The following FEV variants were observed in gnomAD, a reference collection of about 807,000 sequenced individuals.
FEV encodes FEV transcription factor, ETS family member, also known as protein FEV.
Under a neutral mutation model 20.5 loss-of-function variants are expected in FEV, and 14 were observed. The ratio of observed to expected loss-of-function variants is 0.68; its 90% CI spans 0.45 to 1.07. FEV has a LOEUF of 1.07. Among genes scored for constraint, FEV ranks in the 50% least tolerant of loss-of-function variants. FEV has a pLI of 0.00. For synonymous variants in FEV, 188 were observed against 163.7 expected (o/e 1.15, Z -1.13); for missense variants, 301 against 345.3 (o/e 0.87, Z 1.02).
Position 218,981,820 on chromosome 2 carries a change from C to G in FEV, c.564G>C (p.Ala188=), listed in dbSNP as rs427890. 2 of 1,240,180 alleles carry G rather than the reference C, an allele frequency of 1.6e-6. No homozygotes were observed. The highest frequency in any genetic ancestry group is 2.0e-6 in the Non-Finnish European group (2 of 996,736). 76.8% of individuals were successfully genotyped at this position (1,240,180 alleles called of 1,614,324 possible). The stretch of plus-strand genomic sequence containing the variant: ...CCGGCCAGTAGGAGAAGCCGGCGGG[C>G]GCGACCCCGGCCGAGGCGGCCATGA... ...LNLMAASAGV[A]PAGFSYWPGP... is the part of the protein sequence containing the mutation. The change falls in exon 3 of 3, where the codon GCG becomes GCC. Residue 188 remains alanine, a synonymous_variant. Transcript: ENST00000295727. This position sits in a 1 kb window ranked among gnomAD's most constrained non-coding sequence, Gnocchi z 4.5.
rs1945396496 is a variant in FEV, at chr2:218,982,203, C to A, written c.181G>T (p.Ala61Ser). 2 of 1,609,556 alleles carry A rather than the reference C, an allele frequency of 1.2e-6. No individual in the cohort carries two copies. The highest frequency in any genetic ancestry group is 1.7e-5 in the Admixed American group (1 of 59,704). Residue 61 changes from alanine to serine, a missense_variant, in exon 3 of 3, where the codon GCG becomes TCG. By Grantham distance (99) the Ala-to-Ser change is moderately conservative. Coordinates refer to ENST00000295727, the MANE Select transcript of FEV (RefSeq NM_017521.3). Reference sequence around the variant, plus strand: ...TCCCACGCGATGCAGCCGGCGTTCGCGCGGTCAGCCAGCAGCTCCAGCAGA... The same window carrying A: ...TCCCACGCGATGCAGCCGGCGTTCGAGCGGTCAGCCAGCAGCTCCAGCAGA... ...QFLLELLADR[A>S]NAGCIAWEGG...
At chr2:218,983,354 A>G (rs966170361) in intron 2 of FEV, among the ~76,000 whole-genome samples, 6 of 152,196 alleles carry the variant, frequency 3.9e-5, no homozygotes, top group African/African-American at 1.4e-4. Context: ...TAGTCTTTTG[A>G]ACCCCTCTTA....
chr2:218,981,792 G>A lies in FEV; in HGVS notation c.592C>T (p.Pro198Ser). ...GCGGCAGCGGTGGCGGCGGGGCCCGGGCCCGGCCAGTAGGAGAAGCCGGCG... is the reference window on the plus strand; with the variant it reads ...GCGGCAGCGGTGGCGGCGGGGCCCGAGCCCGGCCAGTAGGAGAAGCCGGCG... ...APAGFSYWPG[P>S]GPAATAAAAT... is the part of the protein sequence containing the mutation. The change falls in exon 3 of 3, where the codon CCG (proline) becomes TCG (serine). Residue 198 changes from proline to serine, a missense_variant. By Grantham distance (74) the Pro-to-Ser change is moderately conservative. Transcript: ENST00000295727. The surrounding 1 kb of genome is among the most constrained non-coding windows in gnomAD (Gnocchi z 4.5). 8.0e-7 allele frequency: 1 copy of A among 1,257,558 alleles called. No homozygotes were observed. Among genetic ancestry groups the A allele is most frequent in the Non-Finnish European group, 9.9e-7 (1 of 1,008,046 alleles). The allele number at this position is 1,257,558 out of a possible 1,614,324, so 77.9% of individuals were successfully genotyped here. A position where few individuals can be genotyped will look rare whatever the true frequency, so the allele number is the denominator to read the frequency against.
At position 218,981,545 on chromosome 2, in the gene FEV, G is replaced by A; in HGVS notation, c.*122C>T. ...CCCGTCCCCCTGCTAAGTGCGGCAG[G>A]TGGAGTAAACTCTGGATTAGAGGAC... On this transcript the variant is annotated 3_prime_UTR_variant, in exon 3 of 3. Coordinates refer to ENST00000295727, the MANE Select transcript of FEV (RefSeq NM_017521.3). The surrounding 1 kb of genome is among the most constrained non-coding windows in gnomAD (Gnocchi z 4.5). 5.3e-6 allele frequency: 4 copies of A among 749,728 alleles called. No individual in the cohort carries two copies. Among genetic ancestry groups the A allele is most frequent in the Non-Finnish European group, 5.5e-6 (3 of 548,038 alleles). 46.4% of individuals were successfully genotyped at this position (749,728 alleles called of 1,614,324 possible).
At position 218,984,267 on chromosome 2, in the gene FEV, G is replaced by T. The variant is rs1162965160; in HGVS notation, c.91C>A (p.Pro31Thr). ...GCGGGGCTCAGCGGCCCCCAGCTCG[G>T]GTTCTTCCCGTCCTTGAAGAGACCG... The part of the protein sequence containing the change: ...GDGLFKDGKN[P>T]SWGPLSPAVQ... The change falls in exon 2 of 3, where the codon CCG becomes ACG. Residue 31 changes from proline to threonine, a missense_variant. By Grantham distance (38) the Pro-to-Thr change is conservative (BLOSUM62 -1). Coordinates refer to ENST00000295727, the MANE Select transcript of FEV (RefSeq NM_017521.3). This position sits in a 1 kb window ranked among gnomAD's most constrained non-coding sequence, Gnocchi z 5.0. 6.2e-7 allele frequency: 1 copy of T among 1,602,762 alleles called. No individual in the cohort carries two copies. The highest frequency in any genetic ancestry group is 8.5e-7 in the Non-Finnish European group (1 of 1,175,148).
chr2:218,984,207 C>G lies in FEV; in HGVS notation c.127+24G>C. 1.3e-6 allele frequency: 2 copies of G among 1,570,438 alleles called. No individual in the cohort carries two copies. Among genetic ancestry groups the G allele is most frequent in the Non-Finnish European group, 1.7e-6 (2 of 1,157,802 alleles). On this transcript the variant is annotated intron_variant, in intron 2 of 2. Coordinates refer to ENST00000295727, the MANE Select transcript of FEV (RefSeq NM_017521.3). This position sits in a 1 kb window ranked among gnomAD's most constrained non-coding sequence, Gnocchi z 5.0. ...TGACCCCAACCAACCTCGCCTCCGC[C>G]GCCCAGCGCGCCGGCCATCTCACCT... is the stretch of plus-strand genomic sequence containing the variant.
In FEV at chr2:218,982,210, A is replaced by G; in HGVS notation, c.174T>C (p.Ala58=). Residue 58 remains alanine (A), a synonymous_variant, in exon 3 of 3, where the codon GCT becomes GCC. Transcript: ENST00000295727. ...QLWQFLLELL[A]DRANAGCIAW... ...CGATGCAGCCGGCGTTCGCGCGGTC[A>G]GCCAGCAGCTCCAGCAGAAACTGCC... 2 of 1,608,320 alleles carry G rather than the reference A, an allele frequency of 1.2e-6. No individual in the cohort carries two copies. Among genetic ancestry groups the G allele is most frequent in the Non-Finnish European group, 1.7e-6 (2 of 1,178,038 alleles).
rs777420471 is a variant in FEV at position 218,981,339 on chromosome 2, T to C, written c.*328A>G. On this transcript the variant is annotated 3_prime_UTR_variant, in exon 3 of 3. Transcript: ENST00000295727. The surrounding 1 kb of genome is among the most constrained non-coding windows in gnomAD (Gnocchi z 4.5). ...GAGTAGTGATATTGAATGGGGCTTC[T>C]AGGAGCCAGGCGGAAATGCACTGGA... 3.4e-6 allele frequency: 1 copy of C among 292,602 alleles called. No homozygotes were observed. The highest frequency in any genetic ancestry group is 6.3e-6 in the Non-Finnish European group (1 of 157,922). 18.1% of individuals were successfully genotyped at this position (292,602 alleles called of 1,614,324 possible).
At position 218,984,048 on chromosome 2, in the gene FEV, T is replaced by A. The variant is rs1405148193; in HGVS notation, c.127+183A>T. Among the ~76,000 whole-genome samples, 1 of 152,202 alleles carries A rather than the reference T, an allele frequency of 6.6e-6. No individual in the cohort carries two copies. Among genetic ancestry groups the A allele is most frequent in the Non-Finnish European group, 1.5e-5 (1 of 68,038 alleles). On this transcript the variant is annotated intron_variant, in intron 2 of 2. Coordinates refer to ENST00000295727, the MANE Select transcript of FEV (RefSeq NM_017521.3). This position sits in a 1 kb window ranked among gnomAD's most constrained non-coding sequence, Gnocchi z 5.0. Reference sequence around the variant, plus strand: ...CTGCCTTGGCCTGCAACTCTTTTCCTGGTGCTCAGGAGATGCAGGAGCCAA... The same window carrying A: ...CTGCCTTGGCCTGCAACTCTTTTCCAGGTGCTCAGGAGATGCAGGAGCCAA...
chr2:218,985,124 G>C lies in FEV; in HGVS notation c.-49C>G. On this transcript the variant is annotated 5_prime_UTR_variant, in exon 1 of 3. Coordinates refer to ENST00000295727, the MANE Select transcript of FEV (RefSeq NM_017521.3). Reference sequence around the variant, plus strand: ...GAGATGGGGGGGACGGGGAAGGGGGGCGAGGCAGGCTTTGCGCTCGGTGGC... The same window carrying C: ...GAGATGGGGGGGACGGGGAAGGGGGCCGAGGCAGGCTTTGCGCTCGGTGGC... The C allele has an allele frequency of 7.4e-7, 1 of 1,353,672 alleles. No homozygotes were observed. The highest frequency in any genetic ancestry group is 1.0e-6 in the Non-Finnish European group (1 of 997,486). 83.9% of individuals were successfully genotyped at this position (1,353,672 alleles called of 1,614,324 possible).
chr2:218,981,639 C>T lies in FEV; in HGVS notation c.*28G>A. On this transcript the variant is annotated 3_prime_UTR_variant, in exon 3 of 3. Transcript: ENST00000295727. The surrounding 1 kb of genome is among the most constrained non-coding windows in gnomAD (Gnocchi z 4.5). Reference sequence around the variant, plus strand: ...TCGGGCGAGACTCTAGGCGTGCGGGCGAGGCCGCAGGCACCCGACCGCCCC... The same window carrying T: ...TCGGGCGAGACTCTAGGCGTGCGGGTGAGGCCGCAGGCACCCGACCGCCCC... 1 of 1,278,358 alleles carries T rather than the reference C, an allele frequency of 7.8e-7. No individual in the cohort carries two copies. Among genetic ancestry groups the T allele is most frequent in the Non-Finnish European group, 9.9e-7 (1 of 1,014,430 alleles). 79.2% of individuals were successfully genotyped at this position (1,278,358 alleles called of 1,614,324 possible). A position where few individuals can be genotyped will look rare whatever the true frequency, so the allele number is the denominator to read the frequency against.
chr2:218,981,771 C>CAGCGGT lies in FEV; in HGVS notation c.607_612dup (p.Thr203_Ala204dup). On this transcript the variant is annotated inframe_insertion, in exon 3 of 3. Transcript: ENST00000295727. This position sits in a 1 kb window ranked among gnomAD's most constrained non-coding sequence, Gnocchi z 4.5. ...GGGTAGAGCGCGGCGGTGGCGGCGG[C>CAGCGGT]AGCGGTGGCGGCGGGGCCCGGGCCC... 1 of 1,268,666 alleles carries CAGCGGT rather than the reference C, an allele frequency of 7.9e-7. No homozygotes were observed. Among genetic ancestry groups the CAGCGGT allele is most frequent in the Non-Finnish European group, 9.9e-7 (1 of 1,014,530 alleles). The allele number at this position is 1,268,666 out of a possible 1,614,324, so 78.6% of individuals were successfully genotyped here.
chr2:218,984,742 G>A lies in FEV; in HGVS notation c.52+282C>T, dbSNP rs1456861072. 4.6e-5 allele frequency among the ~76,000 whole-genome samples: 7 copies of A among 152,054 alleles called. No individual in the cohort carries two copies. Among genetic ancestry groups the A allele is most frequent in the Non-Finnish European group, 1.0e-4 (7 of 68,004 alleles). The stretch of plus-strand genomic sequence containing the variant: ...GAGTACTCCACCACGCCAGAGACCC[G>A]TGCTTCCCCTCTCAGGCTCCTTCGG... On this transcript the variant is annotated intron_variant, in intron 1 of 2. Transcript: ENST00000295727. The surrounding 1 kb of genome is among the most constrained non-coding windows in gnomAD (Gnocchi z 5.0).
intron 2 of FEV, 146 bp from the exon 3 acceptor site, chr2:218,982,402 A>T (rs1405278643): frequency 6.6e-6 from 5 of 753,334 alleles, no homozygotes; most frequent in Middle Eastern, 3.8e-4. Context: ...GTTCGGCGGG[A>T]GAGGCCGGCC....
At position 218,981,711 on chromosome 2, in the gene FEV, C is replaced by G; in HGVS notation, c.673G>C (p.Gly225Arg). ...PSLQPPPGPF[G>R]AVAAASHLGG... is the part of the protein sequence containing the mutation. ...AAGTGCGAGGCTGCGGCCACGGCCC[C>G]GAAGGGCCCGGGCGGGGGCTGCAAG... The change falls in exon 3 of 3, where the codon GGG becomes CGG. Residue 225 changes from glycine to arginine, a missense_variant. By Grantham distance (125) the Gly-to-Arg change is moderately radical. Coordinates refer to ENST00000295727, the MANE Select transcript of FEV (RefSeq NM_017521.3). This position sits in a 1 kb window ranked among gnomAD's most constrained non-coding sequence, Gnocchi z 4.5. 1 of 1,340,574 alleles carries G rather than the reference C, an allele frequency of 7.5e-7. No homozygotes were observed. The highest frequency in any genetic ancestry group is 9.5e-7 in the Non-Finnish European group (1 of 1,052,228). The allele number at this position is 1,340,574 out of a possible 1,614,324, so 83.0% of individuals were successfully genotyped here.
Position 218,981,882 on chromosome 2 carries a change from C to T in FEV, c.502G>A (p.Ala168Thr), listed in dbSNP as rs1269329889. ...GAGAGGCCGGGGAAGGGCAGCGGGG[C>T]GAGGCCGGCGGGCAGCTTGTAGAGC... ...GALYKLPAGL[A>T]PLPFPGLSKL... Residue 168 changes from alanine to threonine, a missense_variant, in exon 3 of 3, where the codon GCC becomes ACC. By Grantham distance (58) the Ala-to-Thr change is moderately conservative (BLOSUM62 0). Coordinates refer to ENST00000295727, the MANE Select transcript of FEV (RefSeq NM_017521.3). This position sits in a 1 kb window ranked among gnomAD's most constrained non-coding sequence, Gnocchi z 4.5. 3.2e-6 allele frequency: 4 copies of T among 1,239,280 alleles called. No homozygotes were observed. The highest frequency in any genetic ancestry group is 4.0e-6 in the Non-Finnish European group (4 of 995,942). 76.8% of individuals were successfully genotyped at this position (1,239,280 alleles called of 1,614,324 possible).
At position 218,984,187 on chromosome 2, in the gene FEV, C is replaced by T; in HGVS notation, c.127+44G>A. 2 of 1,551,862 alleles carry T rather than the reference C, an allele frequency of 1.3e-6. No homozygotes were observed. The highest frequency in any genetic ancestry group is 1.7e-6 in the Non-Finnish European group (2 of 1,146,790). ...CCTACTGTCCGCCTGTGCCCTGACC[C>T]CAACCAACCTCGCCTCCGCCGCCCA... On this transcript the variant is annotated intron_variant, in intron 2 of 2. Coordinates refer to ENST00000295727, the MANE Select transcript of FEV (RefSeq NM_017521.3). This position sits in a 1 kb window ranked among gnomAD's most constrained non-coding sequence, Gnocchi z 5.0.
Position 218,985,116 on chromosome 2 carries a change from G to T in FEV, c.-41C>A. The T allele has an allele frequency of 5.2e-6, 7 of 1,342,892 alleles. No homozygotes were observed. Among genetic ancestry groups the T allele is most frequent in the South Asian group, 1.3e-5 (1 of 74,688 alleles). 83.2% of individuals were successfully genotyped at this position (1,342,892 alleles called of 1,614,324 possible). The stretch of plus-strand genomic sequence containing the variant: ...GGCGGTGGGAGATGGGGGGGACGGG[G>T]AAGGGGGGCGAGGCAGGCTTTGCGC... On this transcript the variant is annotated 5_prime_UTR_variant, in exon 1 of 3. Coordinates refer to ENST00000295727, the MANE Select transcript of FEV (RefSeq NM_017521.3).
Position 218,982,231 on chromosome 2 carries a change from C to A in FEV, c.153G>T (p.Gln51His). The A allele has an allele frequency of 6.2e-7, 1 of 1,600,682 alleles. No individual in the cohort carries two copies. The highest frequency in any genetic ancestry group is 8.5e-7 in the Non-Finnish European group (1 of 1,174,914). Residue 51 changes from glutamine to histidine, a missense_variant, in exon 3 of 3, where the codon CAG (glutamine) becomes CAT (histidine). Physicochemically the swap from Gln to His is conservative, Grantham distance 24. Transcript: ENST00000295727. ...QKGSGQIQLWQFLLELLADRA... is the reference protein window; with the variant it reads ...QKGSGQIQLWHFLLELLADRA... ...GGTCAGCCAGCAGCTCCAGCAGAAACTGCCACAGCTGGATCTGTCCGCTGC... is the reference window on the plus strand; with the variant it reads ...GGTCAGCCAGCAGCTCCAGCAGAAAATGCCACAGCTGGATCTGTCCGCTGC...
Sources: gnomAD v4.1 joint callset for allele counts (sites outside exome capture counted in the v4.1 genomes callset) on GRCh38, gnomAD v4.1.1 for gene constraint, Gnocchi (gnomAD v3.1) non-coding constraint, MANE v1.5 for transcripts, NCBI Gene and HGNC (gene_info 2026-07-23, HGNC 2026-07-21) for gene names.